The following AUNIP variants were observed in gnomAD, a reference collection of about 807,000 sequenced individuals.
AUNIP encodes the protein aurora kinase A- and ninein-interacting protein.
In AUNIP, 16 loss-of-function variants were observed where a neutral mutation model predicts 12.2. The observed-to-expected ratio is 1.31, with a 90% CI of 0.88 to 1.99. The LOEUF is 1.99. Among genes scored for constraint, AUNIP ranks in the 30% most tolerant of loss-of-function variants. The probability of loss-of-function intolerance (pLI) is 0.00; values close to 1 mark genes in which losing one functional copy is unlikely to be tolerated. For synonymous variants in AUNIP, 142 were observed against 154.8 expected (o/e 0.92, Z 0.61); for missense variants, 411 against 419.1 (o/e 0.98, Z 0.17).
In AUNIP at chr1:25,859,422, G is replaced by T; in HGVS notation, c.-65C>A. Reference sequence around the variant, plus strand: ...GCTCCCGGCGCCTCAGGGAACGCCAGAACCGCGGCCGCCGACGTTCGGATC... The same window carrying T: ...GCTCCCGGCGCCTCAGGGAACGCCATAACCGCGGCCGCCGACGTTCGGATC... On this transcript the variant is annotated 5_prime_UTR_variant, in exon 1 of 3. In the 5' UTR this introduces an upstream ATG that the reference lacks. Transcript: ENST00000374298. The T allele has an allele frequency of 7.2e-7, 1 of 1,390,970 alleles. No individual in the cohort carries two copies. Among genetic ancestry groups the T allele is most frequent in the Non-Finnish European group, 9.4e-7 (1 of 1,067,442 alleles). 86.2% of individuals were successfully genotyped at this position (1,390,970 alleles called of 1,614,324 possible). A position where few individuals can be genotyped will look rare whatever the true frequency, so the allele number is the denominator to read the frequency against.
intron 1 of AUNIP, among the ~76,000 whole-genome samples, chr1:25,857,497 C>T (rs2048471603): frequency 6.6e-6 from 1 of 151,310 alleles, no homozygotes; most frequent in South Asian, 2.1e-4. Context: ...GATCCGCCCG[C>T]CTCGGCCTCC....
At position 25,859,403 on chromosome 1, in the gene AUNIP, G is replaced by A. The variant is rs756777253; in HGVS notation, c.-46C>T. ...CGGCAGGACGCCGGCGCAGGCTCCCGGCGCCTCAGGGAACGCCAGAACCGC... is the reference window on the plus strand; with the variant it reads ...CGGCAGGACGCCGGCGCAGGCTCCCAGCGCCTCAGGGAACGCCAGAACCGC... On this transcript the variant is annotated 5_prime_UTR_variant, in exon 1 of 3. Coordinates refer to ENST00000374298, the MANE Select transcript of AUNIP (RefSeq NM_024037.3). 134 of 1,462,702 alleles carry A rather than the reference G, an allele frequency of 9.2e-5. No homozygotes were observed. The highest frequency in any genetic ancestry group is 1.1e-4 in the Non-Finnish European group (125 of 1,113,100). 90.6% of individuals were successfully genotyped at this position (1,462,702 alleles called of 1,614,324 possible). A position where few individuals can be genotyped will look rare whatever the true frequency, so the allele number is the denominator to read the frequency against.
At chr1:25,857,855 C>T (rs1373793700) in intron 1 of AUNIP, among the ~76,000 whole-genome samples, 84 of 151,172 alleles carry the variant, frequency 5.6e-4, no homozygotes, top group Non-Finnish European at 1.0e-4. Flanking sequence ...AAGAGTGAAA[C>T]TCCATCTCAA....
At chr1:25,840,547 C>G (rs2048341431) in intron 1 of AUNIP, among the ~76,000 whole-genome samples, 1 of 152,094 alleles carries the variant, frequency 6.6e-6, no homozygotes, top group South Asian at 2.1e-4. Flanking sequence ...TTCACATGTT[C>G]TTCTTATGTG....
intron 1 of AUNIP, among the ~76,000 whole-genome samples, chr1:25,843,185 A>ATAT (rs1364857694): frequency 6.5e-4 from 81 of 124,964 alleles, no homozygotes; most frequent in Middle Eastern, 7.7e-3. Flanking sequence ...AAAAAAAAAA[A>ATAT]ATATATATAT....
At chr1:25,843,319 GA>G (rs1268558768) in intron 1 of AUNIP, among the ~76,000 whole-genome samples, 4 of 151,388 alleles carry the variant, frequency 2.6e-5, no homozygotes, top group Non-Finnish European at 5.9e-5. Context: ...ATGGATCAAA[GA>G]GTAATTTCAA....
At chr1:25,848,271 G>A (rs999208819) in intron 1 of AUNIP, among the ~76,000 whole-genome samples, 2 of 151,920 alleles carry the variant, frequency 1.3e-5, no homozygotes, top group Non-Finnish European at 2.9e-5. Context: ...GGCCAGGTGC[G>A]GTGGCTCGTG....
rs1450356658 is a variant in AUNIP at position 25,859,382 on chromosome 1, A to C, written c.-25T>G. ...TGGCCGCTGAGGAGACGAAGCCGGC[A>C]GGACGCCGGCGCAGGCTCCCGGCGC... On this transcript the variant is annotated 5_prime_UTR_variant, in exon 1 of 3. Transcript: ENST00000374298. 16 of 1,490,692 alleles carry C rather than the reference A, an allele frequency of 1.1e-5. No homozygotes were observed. The highest frequency in any genetic ancestry group is 1.3e-5 in the Non-Finnish European group (15 of 1,129,242). 92.3% of individuals were successfully genotyped at this position (1,490,692 alleles called of 1,614,324 possible). A position where few individuals can be genotyped will look rare whatever the true frequency, so the allele number is the denominator to read the frequency against.
At chr1:25,835,903 T>C in intron 2 of AUNIP, 57 bp from the exon 3 acceptor site, 1 of 1,570,448 alleles carries the variant, frequency 6.4e-7, no homozygotes, top group Admixed American at 1.8e-5. Flanking sequence ...CTAAGCAGGA[T>C]TCAGTTGGCT....
chr1:25,843,328 C>A (rs116186774), intron 1 of AUNIP, among the ~76,000 whole-genome samples: 1,870 of 151,360 alleles, frequency 0.012, 40 homozygotes, highest in African/African-American at 0.042. Flanking sequence ...AGAGTAATTT[C>A]AATTTCTATG....
rs1178249495 is a variant in AUNIP, at chr1:25,834,594, C to T, written c.*399G>A. 7 of 950,238 alleles carry T rather than the reference C, an allele frequency of 7.4e-6. No individual in the cohort carries two copies. The Admixed American group carries it at 3.2e-4, about 43-fold the overall frequency. 58.9% of individuals were successfully genotyped at this position (950,238 alleles called of 1,614,324 possible). On this transcript the variant is annotated 3_prime_UTR_variant, in exon 3 of 3. Coordinates refer to ENST00000374298, the MANE Select transcript of AUNIP (RefSeq NM_024037.3). ...GTCGCACCACTGCACTCCAGCCTGG[C>T]AACAGAGCGAGACTCCATCTCAAAA...
At chr1:25,844,523 CT>C (rs1381750298) in intron 1 of AUNIP, among the ~76,000 whole-genome samples, 4 of 152,146 alleles carry the variant, frequency 2.6e-5, no homozygotes, top group Non-Finnish European at 4.4e-5. Flanking sequence ...AAGTTTAGCT[CT>C]TATTTTATCT....
At position 25,834,819 on chromosome 1, in the gene AUNIP, A is replaced by G. The variant is rs184957289; in HGVS notation, c.*174T>C. 21 of 1,435,260 alleles carry G rather than the reference A, an allele frequency of 1.5e-5. No individual in the cohort carries two copies. In the African/African-American group the frequency reaches 2.6e-4, roughly 18 times the overall value. The allele number at this position is 1,435,260 out of a possible 1,614,324, so 88.9% of individuals were successfully genotyped here. ...GAGGGAAAGCCATGATGCCAATCCC[A>G]CTGTCTTAACAATGGTACTGCCCTT... On this transcript the variant is annotated 3_prime_UTR_variant, in exon 3 of 3. Coordinates refer to ENST00000374298, the MANE Select transcript of AUNIP (RefSeq NM_024037.3).
At chr1:25,836,259 T>C (rs1258605301) in intron 2 of AUNIP, among the ~76,000 whole-genome samples, 1 of 152,204 alleles carries the variant, frequency 6.6e-6, no homozygotes, top group Admixed American at 6.5e-5. Context: ...CTAGACATTA[T>C]CCTTAAAGAA....
intron 1 of AUNIP, among the ~76,000 whole-genome samples, chr1:25,856,313 G>A (rs1479291711): frequency 1.3e-5 from 2 of 151,082 alleles, no homozygotes; most frequent in African/African-American, 2.4e-5. Context: ...GCAGTGACCC[G>A]AGATCATGCC....
At chr1:25,839,778 C>T (rs2048337107) in intron 1 of AUNIP, among the ~76,000 whole-genome samples, 1 of 152,152 alleles carries the variant, frequency 6.6e-6, no homozygotes, top group Admixed American at 6.5e-5. Flanking sequence ...ATTCTCCTAC[C>T]TCAGCCTCCT....
In AUNIP at chr1:25,836,718, GTTTT is replaced by G. The variant is rs572914989; in HGVS notation, c.220+691_220+694del. On this transcript the variant is annotated intron_variant, in intron 2 of 2. Transcript: ENST00000374298. ...CAGAATTTGTAAGTGGAAAAAGTGG[GTTTT>G]TTGTTTGTTTTTTTTAAATCTGCCC... 2.2e-3 allele frequency among the ~76,000 whole-genome samples: 334 copies of G among 152,272 alleles called. 1 individual carries two copies. The Middle Eastern group carries it at 0.024, about 11-fold the overall frequency.
At chr1:25,849,674 C>T (rs2048412692) in intron 1 of AUNIP, among the ~76,000 whole-genome samples, 1 of 152,202 alleles carries the variant, frequency 6.6e-6, no homozygotes, top group South Asian at 2.1e-4. Context: ...TATTCTGTCA[C>T]CTAGGCTGGA....
At chr1:25,841,529 ATT>A (rs745635979) in intron 1 of AUNIP, among the ~76,000 whole-genome samples, 12 of 141,358 alleles carry the variant, frequency 8.5e-5, no homozygotes, top group Admixed American at 7.1e-5. Flanking sequence ...GTGATCAGTG[ATT>A]TTTTTTTTTT....
Sources: allele counts gnomAD v4.1 joint callset (sites outside exome capture counted in the v4.1 genomes callset), GRCh38; gene constraint gnomAD v4.1.1; transcripts MANE v1.5; gene names NCBI Gene and HGNC (gene_info 2026-07-23, HGNC 2026-07-21).